The following NCOA1 variants were observed in gnomAD, a reference collection of about 807,000 sequenced individuals.
NCOA1 encodes Hin-2 protein.
In NCOA1, 35 loss-of-function variants were observed where a neutral mutation model predicts 150.9. That is an observed-to-expected ratio of 0.23 (90% confidence interval 0.18 to 0.31). NCOA1 has a LOEUF of 0.31. Among genes scored for constraint, NCOA1 ranks in the 10% least tolerant of loss-of-function variants. The pLI, the probability that NCOA1 is intolerant of heterozygous loss-of-function variation, is 1.00. For synonymous variants in NCOA1, 590 were observed against 630.0 expected (o/e 0.94, Z 0.95); for missense variants, 1,491 against 1,749.3 (o/e 0.85, Z 2.63).
chr2:24,564,475 C>T (rs920464955), intron 2 of NCOA1, 45 bp downstream of exon 2: 3 of 152,192 alleles, frequency 2.0e-5, no homozygotes, highest in African/African-American at 7.2e-5. Context: ...CCTTAGTAGT[C>T]ATTTTCTAGT....
At chr2:24,664,421 G>T (rs1158374937) in intron 5 of NCOA1, among the ~76,000 whole-genome samples, 3 of 152,086 alleles carry the variant, frequency 2.0e-5, no homozygotes, top group Non-Finnish European at 4.4e-5. Flanking sequence ...ATTAAGAAAA[G>T]TAAATGGGGC....
intron 1 of NCOA1, among the ~76,000 whole-genome samples, chr2:24,502,114 CT>C (rs759217367): frequency 2.3e-4 from 35 of 152,186 alleles, no homozygotes; most frequent in Non-Finnish European, 4.3e-4. Flanking sequence ...CTATATCCCC[CT>C]AACCCCCAAT....
intron 1 of NCOA1, among the ~76,000 whole-genome samples, chr2:24,529,384 G>A (rs1210746471): frequency 6.6e-6 from 1 of 152,152 alleles, no homozygotes; most frequent in Non-Finnish European, 1.5e-5. Context: ...CTAGAGAGTA[G>A]CGACACAATC....
intron 3 of NCOA1, among the ~76,000 whole-genome samples, chr2:24,635,169 A>G (rs1558859919): frequency 6.6e-6 from 1 of 151,002 alleles, no homozygotes. Context: ...TCTTCCCCCC[A>G]TTCCTTCATA....
chr2:24,539,134 C>T (rs1464397877), intron 1 of NCOA1, among the ~76,000 whole-genome samples: 3 of 132,858 alleles, frequency 2.3e-5, no homozygotes, highest in African/African-American at 8.1e-5. Context: ...TGAGTTTTTT[C>T]CCCCCCATTT....
At chr2:24,496,854 AG>A (rs1476189322) in intron 1 of NCOA1, among the ~76,000 whole-genome samples, 1 of 152,218 alleles carries the variant, frequency 6.6e-6, no homozygotes, top group Non-Finnish European at 1.5e-5. Flanking sequence ...TAAGCTTTTG[AG>A]TAATGTGTAA....
chr2:24,559,564 A>G (rs1008486005), intron 1 of NCOA1, among the ~76,000 whole-genome samples: 4 of 152,094 alleles, frequency 2.6e-5, no homozygotes, highest in African/African-American at 7.2e-5. Context: ...TTCAGACTCA[A>G]TTGTATTCAG....
At chr2:24,671,008 C>T (rs1238291089) in intron 6 of NCOA1, among the ~76,000 whole-genome samples, 1 of 152,170 alleles carries the variant, frequency 6.6e-6, no homozygotes, top group East Asian at 1.9e-4. Context: ...ATAAGTTACG[C>T]AGACCTTATG....
chr2:24,509,937 A>G (rs906452211), intron 1 of NCOA1, among the ~76,000 whole-genome samples: 2 of 152,250 alleles, frequency 1.3e-5, no homozygotes, highest in Non-Finnish European at 2.9e-5. Context: ...CTATTTTATA[A>G]TGAATAAAAC....
At chr2:24,610,805 T>A (rs2148383588) in intron 3 of NCOA1, among the ~76,000 whole-genome samples, 1 of 151,650 alleles carries the variant, frequency 6.6e-6, no homozygotes, top group Middle Eastern at 3.4e-3. Flanking sequence ...TTTTTTTAAC[T>A]GGAACCCTGT....
At chr2:24,567,049 T>TA (rs928539378) in intron 2 of NCOA1, among the ~76,000 whole-genome samples, 1 of 152,320 alleles carries the variant, frequency 6.6e-6, no homozygotes, top group Admixed American at 6.5e-5. Flanking sequence ...TTCCTACACT[T>TA]ACCCCACTGC....
At chr2:24,704,006 A>G (rs1008799402) in intron 11 of NCOA1, among the ~76,000 whole-genome samples, 3 of 152,200 alleles carry the variant, frequency 2.0e-5, no homozygotes, top group Admixed American at 6.5e-5. Flanking sequence ...TTACGTATTT[A>G]ATAAATACTT....
chr2:24,527,652 GTAATT>G (rs1283664476), intron 1 of NCOA1, among the ~76,000 whole-genome samples: 4 of 152,138 alleles, frequency 2.6e-5, no homozygotes, highest in African/African-American at 9.7e-5. Context: ...TTACAAGGTG[GTAATT>G]TAATCTCCTT....
chr2:24,538,870 T>C (rs999465638), intron 1 of NCOA1, among the ~76,000 whole-genome samples: 3 of 152,118 alleles, frequency 2.0e-5, no homozygotes, highest in Admixed American at 6.6e-5. Context: ...AAATGTGATA[T>C]AGTGTAGTTA....
At chr2:24,747,327 C>CTTTTTTTTTTTT (rs148901218) in intron 19 of NCOA1, among the ~76,000 whole-genome samples, 2 of 120,166 alleles carry the variant, frequency 1.7e-5, no homozygotes, top group African/African-American at 6.3e-5. Context: ...TTATTTTTCT[C>CTTTTTTTTTTTT]TTTTTTTTTT....
intron 1 of NCOA1, among the ~76,000 whole-genome samples, chr2:24,546,841 A>T (rs1427616611): frequency 6.6e-6 from 1 of 152,202 alleles, no homozygotes; most frequent in African/African-American, 2.4e-5. Flanking sequence ...ATGCCTCCAC[A>T]TGGCATCTCC....
At chr2:24,677,539 T>A (rs1671974523) in intron 7 of NCOA1, among the ~76,000 whole-genome samples, 1 of 152,156 alleles carries the variant, frequency 6.6e-6, no homozygotes, top group African/African-American at 2.4e-5. Flanking sequence ...TTCTTGTGCC[T>A]CAGCCTCCCA....
intron 3 of NCOA1, among the ~76,000 whole-genome samples, chr2:24,627,406 G>C (rs1310366164): frequency 1.3e-5 from 2 of 152,128 alleles, no homozygotes; most frequent in East Asian, 3.8e-4. Context: ...TAGTTTTACT[G>C]TTAACTTTAG....
In NCOA1 at chr2:24,705,996, C is replaced by CT. The variant is rs202033345; in HGVS notation, c.1098-563dup. Among the ~76,000 whole-genome samples, 309 of 151,096 alleles carry CT rather than the reference C, an allele frequency of 2.0e-3. 2 individuals are homozygous for CT. The East Asian group carries it at 0.032, about 16-fold the overall frequency. On this transcript the variant is annotated intron_variant, in intron 12 of 22. Coordinates refer to ENST00000348332, the MANE Select transcript of NCOA1 (RefSeq NM_003743.5). ...GCTTGTGAGTGGAATTAGCACAGTT[C>CT]TTTTTTTTTCATATTGTGATTTCTC...
Sources: gnomAD v4.1 joint callset for allele counts (sites outside exome capture counted in the v4.1 genomes callset) on GRCh38, gnomAD v4.1.1 for gene constraint, MANE v1.5 for transcripts, NCBI Gene and HGNC (gene_info 2026-07-23, HGNC 2026-07-21) for gene names.